The following PTPRN2 variants were observed in gnomAD, a reference collection of about 807,000 sequenced individuals.
The protein encoded by PTPRN2 is protein tyrosine phosphatase receptor type N2.
A neutral mutation model predicts 118.8 loss-of-function variants in PTPRN2; 74 were observed. That is an observed-to-expected ratio of 0.62 (90% CI 0.52 to 0.76). The LOEUF (loss-of-function observed/expected upper bound fraction) is 0.76. Among genes scored for constraint, PTPRN2 ranks in the 30% least tolerant of loss-of-function variants. The pLI is 0.00. For missense variants in PTPRN2, 1,481 were observed against 1,394.4 expected, an observed-to-expected ratio of 1.06 and a Z score of -0.99; for synonymous variants, 641 against 608.0, an observed-to-expected ratio of 1.05 and a Z score of -0.80.
chr7:158,373,287 G>C (rs1563214590), intron 2 of PTPRN2, among the ~76,000 whole-genome samples: 1 of 152,220 alleles, frequency 6.6e-6, no homozygotes, highest in Non-Finnish European at 1.5e-5. Context: ...GCACAAAGAT[G>C]ACTTCTGAAA....
intron 12 of PTPRN2, among the ~76,000 whole-genome samples, chr7:157,712,097 G>GA (rs1798672330): frequency 1.4e-5 from 2 of 139,382 alleles, no homozygotes; most frequent in Non-Finnish European, 3.1e-5. Context: ...ACCATGAGTG[G>GA]GGGGAGGGGC....
intron 2 of PTPRN2, among the ~76,000 whole-genome samples, chr7:158,450,979 C>T (rs1027516180): frequency 3.9e-5 from 6 of 152,218 alleles, no homozygotes; most frequent in African/African-American, 1.4e-4. Context: ...CAGGTGCTTC[C>T]AGGAACTCCC....
chr7:158,454,521 A>G (rs111979416), intron 2 of PTPRN2, among the ~76,000 whole-genome samples: 94 of 138,434 alleles, frequency 6.8e-4, no homozygotes, highest in South Asian at 2.5e-3. Context: ...GATTGGGGAC[A>G]GTTGTTATGG....
At chr7:158,392,005 G>T (rs1171884630) in intron 2 of PTPRN2, among the ~76,000 whole-genome samples, 1 of 152,224 alleles carries the variant, frequency 6.6e-6, no homozygotes, top group African/African-American at 2.4e-5. Flanking sequence ...GGGACCGTTT[G>T]CAGGGCAGGG....
In PTPRN2 at chr7:158,350,369, C is replaced by A. The variant is rs375891457; in HGVS notation, c.164-33437G>T. On this transcript the variant is annotated intron_variant, in intron 2 of 22. Coordinates refer to ENST00000389418, the MANE Select transcript of PTPRN2 (RefSeq NM_002847.5). ...TTCCCAGGAAACATGTACAGGGTACCTGCTTCACCCAGGAAGTGCAGGGAG... is the reference window on the plus strand; with the variant it reads ...TTCCCAGGAAACATGTACAGGGTACATGCTTCACCCAGGAAGTGCAGGGAG... 8.5e-5 allele frequency among the ~76,000 whole-genome samples: 13 copies of A among 152,306 alleles called. 1 individual carries two copies. In the South Asian group the frequency reaches 2.7e-3, roughly 32 times the overall value.
intron 2 of PTPRN2, among the ~76,000 whole-genome samples, chr7:158,408,990 CCTT>C (rs1038090025): frequency 2.4e-5 from 3 of 126,672 alleles, no homozygotes; most frequent in Non-Finnish European, 3.4e-5. Flanking sequence ...ACTTTGCTCT[CCTT>C]AATTAAAAAA....
chr7:158,012,054 G>A (rs188116440), intron 11 of PTPRN2, among the ~76,000 whole-genome samples: 1 of 152,278 alleles, frequency 6.6e-6, no homozygotes, highest in East Asian at 1.9e-4. Flanking sequence ...GGATGAAGCT[G>A]CCCCGATCCC....
In PTPRN2 at chr7:158,555,784, T is replaced by C. The variant is rs1032434879; in HGVS notation, c.112+31774A>G. ...CCCACTGCCTAGCAGGCCATCTACA[T>C]GGGGCAGACCACAGAGACAGGCTCC... On this transcript the variant is annotated intron_variant, in intron 1 of 22. Transcript: ENST00000389418. This position sits in a 1 kb window ranked among gnomAD's most constrained non-coding sequence, Gnocchi z 4.7. 6.6e-6 allele frequency among the ~76,000 whole-genome samples: 1 copy of C among 151,968 alleles called. No individual in the cohort carries two copies. Among genetic ancestry groups the C allele is most frequent in the Non-Finnish European group, 1.5e-5 (1 of 67,986 alleles).
chr7:157,843,888 A>G (rs1449220987), intron 12 of PTPRN2, among the ~76,000 whole-genome samples: 3 of 152,144 alleles, frequency 2.0e-5, no homozygotes, highest in Admixed American at 6.6e-5. Flanking sequence ...CTTCCAGACA[A>G]CTGGAGCAAA....
intron 9 of PTPRN2, among the ~76,000 whole-genome samples, chr7:158,122,858 C>T (rs911764999): frequency 6.6e-6 from 1 of 152,214 alleles, no homozygotes; most frequent in Non-Finnish European, 1.5e-5. Context: ...TTGTTCTTAA[C>T]AAAACCGAAG....
chr7:158,051,009 C>T (rs115672641), intron 11 of PTPRN2, among the ~76,000 whole-genome samples: 3,438 of 152,258 alleles, frequency 0.023, 127 homozygotes, highest in African/African-American at 0.079. Context: ...GGAGCCACCC[C>T]GGGGATTTCT....
chr7:157,594,698 G>C (rs1259784193), intron 17 of PTPRN2, among the ~76,000 whole-genome samples: 2 of 152,232 alleles, frequency 1.3e-5, no homozygotes, highest in Non-Finnish European at 2.9e-5. Flanking sequence ...CCCGGGGGCA[G>C]CTGGAGAAGG....
chr7:158,523,201 G>A (rs1824344463), intron 1 of PTPRN2, among the ~76,000 whole-genome samples: 1 of 152,206 alleles, frequency 6.6e-6, no homozygotes, highest in South Asian at 2.1e-4. Flanking sequence ...GCCAGGTTGG[G>A]GTCTGGGGAG....
intron 2 of PTPRN2, among the ~76,000 whole-genome samples, chr7:158,333,892 G>T: frequency 1.4e-5 from 2 of 141,932 alleles, no homozygotes; most frequent in South Asian, 2.4e-4. Flanking sequence ...CACCATAAGA[G>T]CTGACACCCG....
chr7:158,502,740 G>A (rs562653205), intron 1 of PTPRN2, among the ~76,000 whole-genome samples: 8 of 152,224 alleles, frequency 5.3e-5, no homozygotes, highest in Non-Finnish European at 1.2e-4. Flanking sequence ...AATTCACGCT[G>A]AGCCACTTTT....
chr7:158,100,802 TC>T (rs2150346164), intron 10 of PTPRN2, among the ~76,000 whole-genome samples: 1 of 152,338 alleles, frequency 6.6e-6, no homozygotes, highest in South Asian at 2.1e-4. Context: ...TAGTCTTTTG[TC>T]GGATATATAG....
At chr7:158,462,093 G>A (rs1293944750) in intron 2 of PTPRN2, among the ~76,000 whole-genome samples, 2 of 20,018 alleles carry the variant, frequency 1.0e-4, no homozygotes, top group Admixed American at 1.7e-3. Flanking sequence ...GTGCTGCTCT[G>A]CTTTCTAGGT....
intron 15 of PTPRN2, 50 bp downstream of exon 15, chr7:157,621,312 G>T: frequency 6.3e-7 from 1 of 1,583,290 alleles, no homozygotes; most frequent in South Asian, 1.1e-5. Flanking sequence ...AGCACGGCCA[G>T]TTTCCACCGC....
At chr7:157,555,308 T>TA (rs1301106368) in intron 21 of PTPRN2, among the ~76,000 whole-genome samples, 1 of 152,236 alleles carries the variant, frequency 6.6e-6, no homozygotes, top group Non-Finnish European at 1.5e-5. Flanking sequence ...TGTTAACCAT[T>TA]AAACAAAAGC....
Sources: allele counts gnomAD v4.1 joint callset (sites outside exome capture counted in the v4.1 genomes callset), GRCh38; gene constraint gnomAD v4.1.1; non-coding constraint Gnocchi (gnomAD v3.1); transcripts MANE v1.5; gene names NCBI Gene and HGNC (gene_info 2026-07-23, HGNC 2026-07-21).